Variants in ANKRD42 observed in about 807,000 individuals in gnomAD.
ANKRD42 encodes ankyrin repeat domain 42, also known as ankyrin repeat domain-containing protein 42.
A neutral mutation model predicts 51.5 loss-of-function variants in ANKRD42; 43 were observed. The ratio of observed to expected loss-of-function variants is 0.83; its 90% CI spans 0.65 to 1.08. ANKRD42 has a LOEUF of 1.08. ANKRD42 is among the 50% of genes least tolerant of loss of function. The probability of loss-of-function intolerance (pLI) is 0.00; values close to 1 mark genes in which losing one functional copy is unlikely to be tolerated. For synonymous variants in ANKRD42, 203 were observed against 213.0 expected (o/e 0.95, Z 0.41); for missense variants, 608 against 629.3 (o/e 0.97, Z 0.36).
At position 83,248,876 on chromosome 11, in the gene ANKRD42, A is replaced by C; in HGVS notation, c.*672A>C. 1.0e-6 allele frequency: 1 copy of C among 983,204 alleles called. No homozygotes were observed. 60.9% of individuals were successfully genotyped at this position (983,204 alleles called of 1,614,324 possible). A position where few individuals can be genotyped will look rare whatever the true frequency, so the allele number is the denominator to read the frequency against. On this transcript the variant is annotated 3_prime_UTR_variant, in exon 11 of 11. Transcript: ENST00000533342. ...TCTGCAAACATGTATGTGTATTTCT[A>C]TGCATATGCAAATATAACCACTTCC...
rs11403803 is a variant in ANKRD42 at position 83,228,231 on chromosome 11, CTT to C, written c.913+396_913+397del. On this transcript the variant is annotated intron_variant, in intron 7 of 10. Transcript: ENST00000533342. ...AAATAGAAATCATCCCTCTCTCTCT[CTT>C]TTTTTTTTTTTTTTTTTTTTTTTTT... Among the ~76,000 whole-genome samples, 199 of 58,378 alleles carry C rather than the reference CTT, an allele frequency of 3.4e-3. 5 individuals are homozygous for C. The highest frequency in any genetic ancestry group is 5.2e-3 in the East Asian group (7 of 1,354). The allele number at this position is 58,378 out of a possible 152,430, so 38.3% of individuals were successfully genotyped here. A position where few individuals can be genotyped will look rare whatever the true frequency, so the allele number is the denominator to read the frequency against.
At chr11:83,225,825 A>C (rs528662561) in intron 6 of ANKRD42, among the ~76,000 whole-genome samples, 1 of 150,530 alleles carries the variant, frequency 6.6e-6, no homozygotes, top group South Asian at 2.1e-4. Flanking sequence ...TATAGAGTTG[A>C]AGCCCTTTGG....
At chr11:83,224,827 T>C in intron 5 of ANKRD42, 28 bp from the exon 6 acceptor site, 5 of 1,516,558 alleles carry the variant, frequency 3.3e-6, no homozygotes, top group South Asian at 1.3e-5. Context: ...AAATAAAAAT[T>C]AAATTAATTT....
At chr11:83,249,667 G>C (rs2135562290), downstream of ANKRD42, among the ~76,000 whole-genome samples, 1 of 152,158 alleles carries the variant, frequency 6.6e-6, no homozygotes, top group South Asian at 2.1e-4. Flanking sequence ...CAATGTGTAG[G>C]CTTTCAGGAG....
chr11:83,204,150 C>T (rs1378156971), intron 2 of ANKRD42, among the ~76,000 whole-genome samples: 1 of 152,132 alleles, frequency 6.6e-6, no homozygotes, highest in African/African-American at 2.4e-5. Flanking sequence ...ACCATGTTGA[C>T]CAGGATAGTC....
At chr11:83,236,993 T>C (rs1163807302) in intron 8 of ANKRD42, among the ~76,000 whole-genome samples, 1 of 152,242 alleles carries the variant, frequency 6.6e-6, no homozygotes, top group African/African-American at 2.4e-5. Context: ...AAATATAGCA[T>C]GTATTTTTAA....
intron 7 of ANKRD42, 90 bp from the exon 8 acceptor site, chr11:83,236,314 A>T: frequency 1.1e-6 from 1 of 951,234 alleles, no homozygotes; most frequent in Non-Finnish European, 1.6e-6. Context: ...TAAGTACTCT[A>T]TAATGGTACT....
Position 83,224,988 on chromosome 11 carries a change from C to CA in ANKRD42, c.722dup (p.Gln242AlafsTer11). ...TACTGGATTTGGCCCAGAGGTTCTT[C>CA]AAGCAGAACATTTTACAGTTTATCC... On this transcript the variant is annotated frameshift_variant, in exon 6 of 11. Transcript: ENST00000533342. LOFTEE classifies it high-confidence loss of function. 2 of 1,613,448 alleles carry CA rather than the reference C, an allele frequency of 1.2e-6. No individual in the cohort carries two copies. Among genetic ancestry groups the CA allele is most frequent in the South Asian group, 2.2e-5 (2 of 91,016 alleles).
rs1450959731 is a variant in ANKRD42 at position 83,248,936 on chromosome 11, T to C, written c.*732T>C. On this transcript the variant is annotated 3_prime_UTR_variant, in exon 11 of 11. Coordinates refer to ENST00000533342, the MANE Select transcript of ANKRD42 (RefSeq NM_001300975.2). ...CTGGGTTTTGGTGTCTCACCAGTGG[T>C]TGATTTTCCAAGAAATATAATTAAC... 2.0e-5 allele frequency: 20 copies of C among 982,804 alleles called. No individual in the cohort carries two copies. The highest frequency in any genetic ancestry group is 2.3e-5 in the Non-Finnish European group (19 of 827,662). The allele number at this position is 982,804 out of a possible 1,614,324, so 60.9% of individuals were successfully genotyped here. A position where few individuals can be genotyped will look rare whatever the true frequency, so the allele number is the denominator to read the frequency against.
intron 6 of ANKRD42, among the ~76,000 whole-genome samples, chr11:83,226,759 A>C (rs1862898641): frequency 6.6e-6 from 1 of 152,076 alleles, no homozygotes; most frequent in Admixed American, 6.6e-5. Context: ...AGTTACAGTG[A>C]GCTGTGACCA....
Position 83,248,795 on chromosome 11 carries a change from A to G in ANKRD42, c.*591A>G, listed in dbSNP as rs1420623587. ...CTTCTGACACTAAGTTCCACTCTCC[A>G]GAGGAAGCTATTGTTAACAATTTAG... is the stretch of plus-strand genomic sequence containing the variant. On this transcript the variant is annotated 3_prime_UTR_variant, in exon 11 of 11. Transcript: ENST00000533342. 1 of 977,308 alleles carries G rather than the reference A, an allele frequency of 1.0e-6. No individual in the cohort carries two copies. The highest frequency in any genetic ancestry group is 1.8e-5 in the African/African-American group (1 of 57,044). The allele number at this position is 977,308 out of a possible 1,614,324, so 60.5% of individuals were successfully genotyped here.
At chr11:83,215,797 T>G (rs573657157) in intron 5 of ANKRD42, among the ~76,000 whole-genome samples, 2 of 151,948 alleles carry the variant, frequency 1.3e-5, no homozygotes, top group Non-Finnish European at 2.9e-5. Context: ...TTTTTGGGGT[T>G]GTTTGTTTGT....
intron 5 of ANKRD42, among the ~76,000 whole-genome samples, chr11:83,217,781 A>C (rs762022345): frequency 6.6e-6 from 1 of 152,216 alleles, no homozygotes; most frequent in African/African-American, 2.4e-5. Flanking sequence ...ACAATCTTTA[A>C]GTATCCTTGC....
chr11:83,224,378 A>G (rs1039420493), intron 5 of ANKRD42, among the ~76,000 whole-genome samples: 1 of 152,188 alleles, frequency 6.6e-6, no homozygotes, highest in South Asian at 2.1e-4. Flanking sequence ...ACTTTCTAAG[A>G]TAACTTTCTG....
intron 3 of ANKRD42, chr11:83,209,347 A>T: frequency 8.0e-7 from 1 of 1,246,838 alleles, no homozygotes; most frequent in African/African-American, 1.5e-5. Context: ...TGCTGCTGGG[A>T]GTTGCTTGGA....
downstream of ANKRD42, among the ~76,000 whole-genome samples, chr11:83,263,346 G>A (rs146399577): frequency 1.6e-4 from 25 of 152,254 alleles, 1 homozygote; most frequent in African/African-American, 5.3e-4. Flanking sequence ...TCTTGCTGCT[G>A]TTATTTCAGC....
At chr11:83,201,438 A>G (rs997460328) in intron 2 of ANKRD42, among the ~76,000 whole-genome samples, 1 of 152,170 alleles carries the variant, frequency 6.6e-6, no homozygotes, top group African/African-American at 2.4e-5. Context: ...GCTATTGTGA[A>G]TAGCGCTGCA....
At chr11:83,209,274 A>ATTAT in intron 3 of ANKRD42, 1 of 647,766 alleles carries the variant, frequency 1.5e-6, no homozygotes, top group Non-Finnish European at 2.8e-6. Context: ...TAAAATCAAT[A>ATTAT]TTATAAGTGT....
chr11:83,237,108 A>G (rs1426468705), intron 8 of ANKRD42, among the ~76,000 whole-genome samples: 1 of 152,184 alleles, frequency 6.6e-6, no homozygotes, highest in Non-Finnish European at 1.5e-5. Flanking sequence ...ACCATGTTCC[A>G]AGTTCTGTGA....
Sources: allele counts gnomAD v4.1 joint callset (sites outside exome capture counted in the v4.1 genomes callset), GRCh38; gene constraint gnomAD v4.1.1; transcripts MANE v1.5; gene names NCBI Gene and HGNC (gene_info 2026-07-23, HGNC 2026-07-21).